The following MAP2K3 variants were observed in gnomAD, a reference collection of about 807,000 sequenced individuals.
MAP2K3 encodes the protein dual specificity mitogen-activated protein kinase kinase 3.
Under a neutral mutation model 46.4 loss-of-function variants are expected in MAP2K3, and 30 were observed. The ratio of observed to expected loss-of-function variants is 0.65; its 90% CI spans 0.48 to 0.88. The LOEUF is 0.88. Ranked by LOEUF, MAP2K3 falls within the 40% of genes least tolerant of loss-of-function variation. The pLI is 0.00. For missense variants in MAP2K3, 380 were observed against 464.5 expected, an observed-to-expected ratio of 0.82 and a Z score of 1.67; for synonymous variants, 189 against 176.3, an observed-to-expected ratio of 1.07 and a Z score of -0.57.
In MAP2K3 at chr17:21,298,389, C is replaced by T. The variant is rs368096623; in HGVS notation, c.50-24C>T. ...CATTGATGTCAAGGGATAGGCCAGA[C>T]GCCTCACCTTCTCTCCATTCTAGGA... On this transcript the variant is annotated intron_variant, in intron 1 of 11. Transcript: ENST00000342679. The T allele has an allele frequency of 2.1e-4, 332 of 1,614,126 alleles. No homozygotes were observed. In the East Asian group the frequency reaches 2.5e-3, roughly 12 times the overall value.
chr17:21,289,971 C>T (rs1372618916), intron 1 of MAP2K3, among the ~76,000 whole-genome samples: 2 of 152,224 alleles, frequency 1.3e-5, no homozygotes, highest in Non-Finnish European at 2.9e-5. Context: ...CCATGTGGCC[C>T]ATGGCCGGGA....
At chr17:21,292,477 C>T (rs1361476783) in intron 1 of MAP2K3, among the ~76,000 whole-genome samples, 1 of 152,430 alleles carries the variant, frequency 6.6e-6, no homozygotes, top group South Asian at 2.1e-4. Context: ...CCACCTCAGC[C>T]TCCCAGGTAA....
chr17:21,312,504 T>C (rs2144666041), intron 10 of MAP2K3, among the ~76,000 whole-genome samples: 1 of 152,224 alleles, frequency 6.6e-6, no homozygotes, highest in South Asian at 2.1e-4. Context: ...ACAAATCAGA[T>C]AGACTGAAAA....
chr17:21,287,019 C>T (rs1003722090), intron 1 of MAP2K3, among the ~76,000 whole-genome samples: 14 of 152,236 alleles, frequency 9.2e-5, no homozygotes, highest in South Asian at 2.1e-4. Flanking sequence ...GAAACTGAGG[C>T]GTTAAGTGCC....
intron 2 of MAP2K3, 42 bp from the exon 3 acceptor site, chr17:21,298,836 T>C (rs1285804133): frequency 6.2e-7 from 1 of 1,614,156 alleles, no homozygotes; most frequent in Admixed American, 1.7e-5. Flanking sequence ...TGGGGAAGGG[T>C]GTGGTTCTCT....
intron 1 of MAP2K3, among the ~76,000 whole-genome samples, chr17:21,292,459 C>T (rs767333366): frequency 9.2e-5 from 14 of 152,302 alleles, no homozygotes; most frequent in Non-Finnish European, 1.9e-4. Context: ...ACAGCTCAGA[C>T]GATCCTCCCA....
intron 2 of MAP2K3, 149 bp from the exon 3 acceptor site, chr17:21,298,729 C>T (rs1021831897): frequency 1.1e-5 from 14 of 1,231,326 alleles, no homozygotes; most frequent in East Asian, 2.5e-5. Flanking sequence ...AGATGCTCAG[C>T]AGCCAGTGAG....
At chr17:21,287,898 C>G (rs554572417) in intron 1 of MAP2K3, 1 of 518,978 alleles carries the variant, frequency 1.9e-6, no homozygotes, top group Admixed American at 2.5e-5. Flanking sequence ...TATCCTAGCC[C>G]TGCCTGCTGT....
intron 9 of MAP2K3, among the ~76,000 whole-genome samples, chr17:21,308,460 G>A (rs964905913): frequency 1.4e-4 from 22 of 152,324 alleles, no homozygotes; most frequent in African/African-American, 3.6e-4. Context: ...GAGCCACTGC[G>A]CCTGGCCTGT....
intron 1 of MAP2K3, among the ~76,000 whole-genome samples, chr17:21,285,700 C>T (rs754886420): frequency 6.6e-6 from 1 of 152,132 alleles, no homozygotes; most frequent in Non-Finnish European, 1.5e-5. Context: ...AAGCTTCTCC[C>T]TGCACTGGGG....
rs757193395 is a variant in MAP2K3 at position 21,302,187 on chromosome 17, C to A, written c.444C>A (p.Asp148Glu). ...ICMELMDTSL[D>E]KFYRKVLDKN... ...TGGAGCTCATGGACACATCCTTGGA[C>A]AAGTTCTACCGGAAGGTGCTGGATA... The change falls in exon 6 of 12, where the codon GAC becomes GAA. Residue 148 changes from aspartate (D) to glutamate (E), a missense_variant. By Grantham distance (45) the Asp-to-Glu change is conservative. This residue lies in a region of MAP2K3 where 294 missense variants were observed against 275.4 expected (regional missense o/e 1.07). Coordinates refer to ENST00000342679, the MANE Select transcript of MAP2K3 (RefSeq NM_145109.3). The A allele has an allele frequency of 6.2e-7, 1 of 1,614,066 alleles. No homozygotes were observed. Among genetic ancestry groups the A allele is most frequent in the Non-Finnish European group, 8.5e-7 (1 of 1,179,904 alleles).
chr17:21,305,538 A>G (rs1976850515), intron 9 of MAP2K3, among the ~76,000 whole-genome samples: 1 of 152,292 alleles, frequency 6.6e-6, no homozygotes, highest in Non-Finnish European at 1.5e-5. Context: ...GGGGTGGTAG[A>G]AAGGGTGGGC....
At chr17:21,303,324 G>C in intron 7 of MAP2K3, 90 bp downstream of exon 7, 1 of 1,561,216 alleles carries the variant, frequency 6.4e-7, no homozygotes, top group South Asian at 1.1e-5. Context: ...GAGCAACTGT[G>C]GCTCCGAGAG....
chr17:21,302,055 GGCTGGGGCTGGT>G (rs1976633237), intron 5 of MAP2K3, 76 bp from the exon 6 acceptor site: 3 of 1,336,526 alleles, frequency 2.2e-6, no homozygotes, highest in Non-Finnish European at 3.2e-6. Context: ...AGGGGGCTGG[GGCTGGGGCTGGT>G]GCTGGGGCAG....
chr17:21,305,328 GTGAAGTCC>G (rs1976840566), intron 9 of MAP2K3, among the ~76,000 whole-genome samples, 200 bp downstream of exon 9: 1 of 152,168 alleles, frequency 6.6e-6, no homozygotes, highest in East Asian at 1.9e-4. Flanking sequence ...GTCACTCATC[GTGAAGTCC>G]TGGGTGCTTT....
At chr17:21,298,778 A>G in intron 2 of MAP2K3, 100 bp from the exon 3 acceptor site, 1 of 1,567,466 alleles carries the variant, frequency 6.4e-7, no homozygotes, top group Non-Finnish European at 8.8e-7. Context: ...GGCAGGAGGC[A>G]CCTCGTCCCC....
At chr17:21,312,787 T>C (rs1311556539) in intron 10 of MAP2K3, among the ~76,000 whole-genome samples, 1 of 152,028 alleles carries the variant, frequency 6.6e-6, no homozygotes, top group Non-Finnish European at 1.5e-5. Context: ...TGGTGGCGCA[T>C]GCCTATAATC....
At chr17:21,286,298 G>A (rs1975721430) in intron 1 of MAP2K3, among the ~76,000 whole-genome samples, 1 of 152,246 alleles carries the variant, frequency 6.6e-6, no homozygotes, top group African/African-American at 2.4e-5. Context: ...AGAGTGAGCA[G>A]GAGGAAGCAC....
intron 1 of MAP2K3, chr17:21,291,581 T>G (rs1235675099): frequency 2.2e-6 from 1 of 456,414 alleles, no homozygotes; most frequent in Non-Finnish European, 4.4e-6. Context: ...CTGGGAGGGC[T>G]GAGCATCACT....
Sources: allele counts gnomAD v4.1 joint callset (sites outside exome capture counted in the v4.1 genomes callset), GRCh38; gene constraint gnomAD v4.1.1; regional missense constraint gnomAD v4.1.1; transcripts MANE v1.5; gene names NCBI Gene and HGNC (gene_info 2026-07-23, HGNC 2026-07-21).